The following SKOR2 variants were observed in gnomAD, a reference collection of about 807,000 sequenced individuals.
The protein encoded by SKOR2 is LBX1 corepressor 1-like protein.
SKOR2 carries 47 observed loss-of-function variants against 69.1 expected under a neutral mutation model. That is an observed-to-expected ratio of 0.68 (90% CI 0.54 to 0.87). The LOEUF is 0.87. SKOR2 is among the 40% of genes least tolerant of loss of function. The pLI is 0.00. For missense variants in SKOR2, 1,404 were observed against 1,472.2 expected (o/e 0.95, Z 0.76); for synonymous variants, 717 against 672.6 (o/e 1.07, Z -1.02).
chr18:47,247,394 G>T lies in SKOR2; in HGVS notation c.1790C>A (p.Ser597Tyr). The T allele has an allele frequency of 7.2e-7, 1 of 1,384,822 alleles. No homozygotes were observed. Among genetic ancestry groups the T allele is most frequent in the Non-Finnish European group, 9.3e-7 (1 of 1,070,894 alleles). 85.8% of individuals were successfully genotyped at this position (1,384,822 alleles called of 1,614,324 possible). A position where few individuals can be genotyped will look rare whatever the true frequency, so the allele number is the denominator to read the frequency against. ...AAAAGSGPAG[S>Y]RVPAPHHPHL... ...CGGATGGTGGGGCGCCGGAACCCGG[G>T]AGCCCGCGGGGCCAGACCCGGCGGC... Residue 597 changes from serine to tyrosine, a missense_variant, in exon 2 of 9, where the codon TCC becomes TAC. Transcript: ENST00000425639. This position sits in a 1 kb window ranked among gnomAD's most constrained non-coding sequence, Gnocchi z 6.6.
rs1370019638 is a variant in SKOR2, at chr18:47,248,477, T to C, written c.707A>G (p.Asn236Ser). The change falls in exon 2 of 9, where the codon AAC (asparagine) becomes AGC (serine). Residue 236 changes from asparagine (N) to serine (S), a missense_variant. Asn to Ser is a conservative substitution (Grantham distance 46). Coordinates refer to ENST00000425639, the MANE Select transcript of SKOR2 (RefSeq NM_001278063.4). This position sits in a 1 kb window ranked among gnomAD's most constrained non-coding sequence, Gnocchi z 6.4. ...CAGTGCGCGCTTGCGGCTGCCGCCG[T>C]TGAACATGGCCTTGACGTCCTCCCA... ...FAWEDVKAMFNGGSRKRALPQ... is the reference protein window; with the variant it reads ...FAWEDVKAMFSGGSRKRALPQ... The C allele has an allele frequency of 1.4e-6, 2 of 1,468,022 alleles. No individual in the cohort carries two copies. Among genetic ancestry groups the C allele is most frequent in the South Asian group, 2.4e-5 (2 of 83,272 alleles). The allele number at this position is 1,468,022 out of a possible 1,614,324, so 90.9% of individuals were successfully genotyped here. A position where few individuals can be genotyped will look rare whatever the true frequency, so the allele number is the denominator to read the frequency against.
At chr18:47,209,409 C>T (rs534858211) in intron 8 of SKOR2, among the ~76,000 whole-genome samples, 179 of 152,252 alleles carry the variant, frequency 1.2e-3, no homozygotes, top group African/African-American at 4.3e-3. Context: ...ATTTTGTAAT[C>T]TCTCTTGGGG....
Position 47,247,983 on chromosome 18 carries a change from A to G in SKOR2, c.1201T>C (p.Cys401Arg). ...FGGVLQKFPG[C>R]GGLFPHPYTF... ...TAGGGGTGCGGGAAGAGCCCGCCGC[A>G]GCCCGGGAACTTCTGCAGGACGCCC... The change falls in exon 2 of 9, where the codon TGC becomes CGC. Residue 401 changes from cysteine (C) to arginine (R), a missense_variant. Cys to Arg is a radical substitution (Grantham distance 180). Transcript: ENST00000425639. This position sits in a 1 kb window ranked among gnomAD's most constrained non-coding sequence, Gnocchi z 6.6. The G allele has an allele frequency of 1.4e-6, 2 of 1,394,544 alleles. No homozygotes were observed. Among genetic ancestry groups the G allele is most frequent in the East Asian group, 6.2e-5 (2 of 32,396 alleles). The allele number at this position is 1,394,544 out of a possible 1,614,324, so 86.4% of individuals were successfully genotyped here. A position where few individuals can be genotyped will look rare whatever the true frequency, so the allele number is the denominator to read the frequency against.
At chr18:47,209,874 T>A (rs532050007) in intron 8 of SKOR2, among the ~76,000 whole-genome samples, 1 of 152,108 alleles carries the variant, frequency 6.6e-6, no homozygotes, top group Admixed American at 6.6e-5. Context: ...GGAGGACTGC[T>A]TGAACCCAGG....
At chr18:47,227,326 ATTTTTTTTTTTT>A (rs778462203) in intron 6 of SKOR2, among the ~76,000 whole-genome samples, 1,805 of 91,146 alleles carry the variant, frequency 0.02, 36 homozygotes, top group Non-Finnish European at 0.025. Context: ...CAAGAAGCCA[ATTTTTTTTTTTT>A]TTTTTTTTTT....
In SKOR2 at chr18:47,246,564, T is replaced by C. The variant is rs1374854520; in HGVS notation, c.2613+7A>G. 5.3e-6 allele frequency: 8 copies of C among 1,512,074 alleles called. No individual in the cohort carries two copies. The highest frequency in any genetic ancestry group is 4.2e-5 in the Admixed American group (2 of 47,184). The allele number at this position is 1,512,074 out of a possible 1,614,324, so 93.7% of individuals were successfully genotyped here. A position where few individuals can be genotyped will look rare whatever the true frequency, so the allele number is the denominator to read the frequency against. On this transcript the variant is annotated splice_region_variant and intron_variant, in intron 2 of 8. Transcript: ENST00000425639. ...TTAGCTTGAAGGAGCCTAAAGGGGA[T>C]ATTTACATCTTTGTAGGAGGGCTGC...
Position 47,247,566 on chromosome 18 carries a change from G to C in SKOR2, c.1618C>G (p.Pro540Ala), listed in dbSNP as rs2064285910. The change falls in exon 2 of 9, where the codon CCG becomes GCG. Residue 540 changes from proline (P) to alanine (A), a missense_variant. Physicochemically the swap from Pro to Ala is conservative, Grantham distance 27 (BLOSUM62 -1). Transcript: ENST00000425639. The surrounding 1 kb of genome is among the most constrained non-coding windows in gnomAD (Gnocchi z 6.6). Reference sequence around the variant, plus strand: ...GCAGGAGGAGGTGGGCCGGAGCCCGGGCCGTTGGCCACTACCTGCGGGGGC... The same window carrying C: ...GCAGGAGGAGGTGGGCCGGAGCCCGCGCCGTTGGCCACTACCTGCGGGGGC... ...GQPPQVVANG[P>A]GSGPPPPAGG... The C allele has an allele frequency of 7.3e-6, 9 of 1,240,264 alleles. No individual in the cohort carries two copies. The highest frequency in any genetic ancestry group is 9.1e-6 in the Non-Finnish European group (9 of 993,102). 76.8% of individuals were successfully genotyped at this position (1,240,264 alleles called of 1,614,324 possible).
chr18:47,212,205 T>C (rs2064129954), intron 7 of SKOR2, 54 bp from the exon 8 acceptor site: 1 of 1,224,496 alleles, frequency 8.2e-7, no homozygotes. Context: ...TGGAGACAGA[T>C]ATGTAATGGA....
chr18:47,225,002 C>T (rs986837363), intron 6 of SKOR2, among the ~76,000 whole-genome samples: 1 of 152,014 alleles, frequency 6.6e-6, no homozygotes, highest in African/African-American at 2.4e-5. Context: ...TCTGCCCTGC[C>T]ACCCCGACCC....
chr18:47,211,644 G>A (rs2064128203), intron 8 of SKOR2, among the ~76,000 whole-genome samples: 1 of 152,292 alleles, frequency 6.6e-6, no homozygotes, highest in Middle Eastern at 3.4e-3. Flanking sequence ...TCAAAGGTCT[G>A]TATTGTCCCC....
At chr18:47,240,860 A>G (rs532555684) in intron 4 of SKOR2, among the ~76,000 whole-genome samples, 1 of 152,342 alleles carries the variant, frequency 6.6e-6, no homozygotes, top group South Asian at 2.1e-4. Flanking sequence ...AAATTCCTAT[A>G]AAAATCAAAA....
intron 7 of SKOR2, among the ~76,000 whole-genome samples, chr18:47,215,235 C>G (rs2064140280): frequency 6.6e-6 from 1 of 152,172 alleles, no homozygotes; most frequent in Non-Finnish European, 1.5e-5. Context: ...TTCAGGCTTG[C>G]ATTAAGTCTT....
intron 4 of SKOR2, among the ~76,000 whole-genome samples, chr18:47,239,559 CTT>C (rs2144506358): frequency 6.6e-6 from 1 of 152,260 alleles, no homozygotes; most frequent in East Asian, 1.9e-4. Flanking sequence ...AATTAAATAT[CTT>C]TGATTAGTGC....
Position 47,248,699 on chromosome 18 carries a change from G to A in SKOR2, c.485C>T (p.Ala162Val), listed in dbSNP as rs1317824881. The change falls in exon 2 of 9, where the codon GCG (alanine) becomes GTG (valine). Residue 162 changes from alanine to valine, a missense_variant. Coordinates refer to ENST00000425639, the MANE Select transcript of SKOR2 (RefSeq NM_001278063.4). The surrounding 1 kb of genome is among the most constrained non-coding windows in gnomAD (Gnocchi z 6.4). Reference sequence around the variant, plus strand: ...CTTGGCGCGCGAGCTGTTGTAGCGCGCGGGAATGAAGCTGCCGCGGCAGCC... The same window carrying A: ...CTTGGCGCGCGAGCTGTTGTAGCGCACGGGAATGAAGCTGCCGCGGCAGCC... ...AWGCRGSFIPARYNSSRAKCI... is the reference protein window; with the variant it reads ...AWGCRGSFIPVRYNSSRAKCI... 3.2e-6 allele frequency: 5 copies of A among 1,563,026 alleles called. No homozygotes were observed. The highest frequency in any genetic ancestry group is 4.3e-6 in the Non-Finnish European group (5 of 1,160,606).
At chr18:47,221,307 T>C (rs1357985348) in intron 6 of SKOR2, among the ~76,000 whole-genome samples, 1 of 152,200 alleles carries the variant, frequency 6.6e-6, no homozygotes, top group Non-Finnish European at 1.5e-5. Flanking sequence ...GGGAAGTATG[T>C]GGTGCCATGC....
intron 6 of SKOR2, among the ~76,000 whole-genome samples, chr18:47,220,435 G>T (rs752444260): frequency 5.3e-5 from 8 of 152,000 alleles, no homozygotes; most frequent in Non-Finnish European, 1.2e-4. Flanking sequence ...AATACCTTCC[G>T]GGTAAATAAG....
At position 47,231,022 on chromosome 18, in the gene SKOR2, T is replaced by C. The variant is rs1294591172; in HGVS notation, c.2753-22A>G. The C allele has an allele frequency of 3.9e-6, 6 of 1,535,878 alleles. No individual in the cohort carries two copies. In the Admixed American group the frequency reaches 1.2e-4, roughly 30 times the overall value. On this transcript the variant is annotated intron_variant, in intron 4 of 8. Coordinates refer to ENST00000425639, the MANE Select transcript of SKOR2 (RefSeq NM_001278063.4). ...TCACCTTTTAAAAAAGCAGGAAAAATACTATTAGTTTTGTGTAGGCTAGTT... is the reference window on the plus strand; with the variant it reads ...TCACCTTTTAAAAAAGCAGGAAAAACACTATTAGTTTTGTGTAGGCTAGTT...
intron 4 of SKOR2, among the ~76,000 whole-genome samples, chr18:47,239,989 A>AG (rs2064241994): frequency 6.6e-6 from 1 of 152,104 alleles, no homozygotes; most frequent in South Asian, 2.1e-4. Context: ...TTTTAAAAAA[A>AG]TCATAAGCAT....
chr18:47,216,343 G>A (rs146157689), intron 7 of SKOR2, among the ~76,000 whole-genome samples: 1 of 152,154 alleles, frequency 6.6e-6, no homozygotes, highest in Non-Finnish European at 1.5e-5. Flanking sequence ...AGGGGTGGGG[G>A]ACTTTAACAC....
Sources: gnomAD v4.1 joint callset for allele counts (sites outside exome capture counted in the v4.1 genomes callset) on GRCh38, gnomAD v4.1.1 for gene constraint, Gnocchi (gnomAD v3.1) non-coding constraint, MANE v1.5 for transcripts, NCBI Gene and HGNC (gene_info 2026-07-23, HGNC 2026-07-21) for gene names.